The following MKX variants were observed in gnomAD, a reference collection of about 807,000 sequenced individuals.
MKX encodes homeobox protein Mohawk.
Under a neutral mutation model 36.0 loss-of-function variants are expected in MKX, and 13 were observed. The ratio of observed to expected loss-of-function variants is 0.36; its 90% confidence interval spans 0.24 to 0.57. The LOEUF is 0.57. Among genes scored for constraint, MKX ranks in the 20% least tolerant of loss-of-function variants. MKX has a pLI of 0.79. For synonymous variants in MKX, 176 were observed against 178.3 expected (o/e 0.99, Z 0.10); for missense variants, 458 against 456.4 (o/e 1.00, Z -0.03).
At chr10:27,714,097 C>T (rs905715703) in intron 5 of MKX, among the ~76,000 whole-genome samples, 2 of 149,996 alleles carry the variant, frequency 1.3e-5, no homozygotes, top group African/African-American at 2.4e-5. Context: ...GGGATTAAGT[C>T]ATTCATGAGT....
chr10:27,734,438 C>A lies in MKX; in HGVS notation c.838+18G>T, dbSNP rs762433649. The stretch of plus-strand genomic sequence containing the variant: ...TAAACAGGTATCGCAGGAATTACTA[C>A]AGAAAGCACGGACTTACCTGTGCGA... On this transcript the variant is annotated intron_variant, in intron 5 of 6. Coordinates refer to ENST00000419761, the MANE Select transcript of MKX (RefSeq NM_173576.3). 1 of 1,605,858 alleles carries A rather than the reference C, an allele frequency of 6.2e-7. No homozygotes were observed. The highest frequency in any genetic ancestry group is 8.5e-7 in the Non-Finnish European group (1 of 1,175,112).
intron 5 of MKX, among the ~76,000 whole-genome samples, chr10:27,721,030 C>T (rs996974175): frequency 7.2e-5 from 11 of 152,130 alleles, no homozygotes; most frequent in Admixed American, 3.3e-4. Context: ...CCCAACCCTA[C>T]GTAAGGAAAA....
chr10:27,684,394 A>C (rs980855342), intron 5 of MKX, among the ~76,000 whole-genome samples: 1 of 152,316 alleles, frequency 6.6e-6, no homozygotes, highest in Non-Finnish European at 1.5e-5. Flanking sequence ...TTCTTTAATA[A>C]GAAAGTAATA....
intron 5 of MKX, among the ~76,000 whole-genome samples, chr10:27,692,038 G>A (rs770589399): frequency 6.6e-6 from 1 of 152,082 alleles, no homozygotes; most frequent in Non-Finnish European, 1.5e-5. Context: ...CTTTTTGGTC[G>A]AATGATTTAT....
At chr10:27,716,391 T>C (rs1589680335) in intron 5 of MKX, among the ~76,000 whole-genome samples, 2 of 139,576 alleles carry the variant, frequency 1.4e-5, no homozygotes, top group African/African-American at 2.7e-5. Context: ...CCACTGCACT[T>C]CAGCCTGGGT....
chr10:27,713,513 G>A (rs1385610134), intron 5 of MKX, among the ~76,000 whole-genome samples: 1 of 152,194 alleles, frequency 6.6e-6, no homozygotes, highest in Admixed American at 6.5e-5. Context: ...AGTGGAAAGA[G>A]CCTGAACCAG....
rs1836117206 is a variant in MKX, at chr10:27,674,990, T to C, written c.*239A>G. ...GGAAGCAAGGCACTTACTGTAATGGTAATGCAGATGTTTTATGCATAGTTT... is the reference window on the plus strand; with the variant it reads ...GGAAGCAAGGCACTTACTGTAATGGCAATGCAGATGTTTTATGCATAGTTT... On this transcript the variant is annotated 3_prime_UTR_variant, in exon 7 of 7. Coordinates refer to ENST00000419761, the MANE Select transcript of MKX (RefSeq NM_173576.3). 7.9e-6 allele frequency: 3 copies of C among 381,602 alleles called. No homozygotes were observed. In the East Asian group the frequency reaches 1.5e-4, roughly 19 times the overall value. The allele number at this position is 381,602 out of a possible 1,614,324, so 23.6% of individuals were successfully genotyped here.
chr10:27,685,247 A>T (rs1015677056), intron 5 of MKX, among the ~76,000 whole-genome samples: 1 of 151,970 alleles, frequency 6.6e-6, no homozygotes, highest in Non-Finnish European at 1.5e-5. Context: ...ATGAAAGCCT[A>T]TGGCAACAGA....
chr10:27,684,535 A>C (rs1836309588), intron 5 of MKX, among the ~76,000 whole-genome samples: 1 of 152,174 alleles, frequency 6.6e-6, no homozygotes, highest in African/African-American at 2.4e-5. Flanking sequence ...AAAAGGCATA[A>C]TTCTGGACAT....
intron 5 of MKX, among the ~76,000 whole-genome samples, chr10:27,730,930 C>T (rs572589137): frequency 6.6e-6 from 1 of 151,570 alleles, no homozygotes; most frequent in South Asian, 2.1e-4. Flanking sequence ...GTCAGGAGAT[C>T]GAGACCATCC....
chr10:27,702,435 T>G (rs955737857), intron 5 of MKX, among the ~76,000 whole-genome samples: 3 of 152,176 alleles, frequency 2.0e-5, no homozygotes, highest in Non-Finnish European at 4.4e-5. Context: ...GCTGGTGGTT[T>G]CTTAAAAAGG....
intron 5 of MKX, among the ~76,000 whole-genome samples, chr10:27,684,843 T>A (rs1836315058): frequency 6.6e-6 from 1 of 152,214 alleles, no homozygotes; most frequent in Non-Finnish European, 1.5e-5. Context: ...CCACCTCAAA[T>A]CATCAGACAT....
chr10:27,680,564 G>A (rs1836237325), intron 5 of MKX, among the ~76,000 whole-genome samples: 1 of 152,130 alleles, frequency 6.6e-6, no homozygotes, highest in African/African-American at 2.4e-5. Context: ...GTGGCCAACT[G>A]TGAAAAATGC....
At position 27,719,643 on chromosome 10, in the gene MKX, G is replaced by T. The variant is rs540709168; in HGVS notation, c.838+14813C>A. 3.3e-5 allele frequency among the ~76,000 whole-genome samples: 5 copies of T among 152,174 alleles called. No individual in the cohort carries two copies. The East Asian group carries it at 9.7e-4, about 29-fold the overall frequency. On this transcript the variant is annotated intron_variant, in intron 5 of 6. Transcript: ENST00000419761. ...ATAAGAAAAAAAAGATGTTCTTGGAGAATAAAAATAAGACACCAAACTTAA... is the reference window on the plus strand; with the variant it reads ...ATAAGAAAAAAAAGATGTTCTTGGATAATAAAAATAAGACACCAAACTTAA...
intron 5 of MKX, among the ~76,000 whole-genome samples, chr10:27,679,050 A>G (rs1836204652): frequency 6.6e-6 from 1 of 152,040 alleles, no homozygotes; most frequent in African/African-American, 2.4e-5. Context: ...ATTCAATGTC[A>G]GTAGGTATAG....
chr10:27,681,255 T>C (rs1836248820), intron 5 of MKX, among the ~76,000 whole-genome samples: 1 of 152,026 alleles, frequency 6.6e-6, no homozygotes, highest in East Asian at 1.9e-4. Flanking sequence ...GAGACCAGCC[T>C]GGCCAAAATG....
chr10:27,696,549 A>C (rs747744408), intron 5 of MKX, among the ~76,000 whole-genome samples: 1 of 152,196 alleles, frequency 6.6e-6, no homozygotes, highest in African/African-American at 2.4e-5. Context: ...GAAAATTCTC[A>C]AAAGAGCACA....
intron 5 of MKX, among the ~76,000 whole-genome samples, chr10:27,687,303 C>T (rs1002854857): frequency 6.6e-6 from 1 of 152,208 alleles, no homozygotes; most frequent in Non-Finnish European, 1.5e-5. Flanking sequence ...TGCGCCCAGC[C>T]CACACTTCTC....
chr10:27,733,831 G>T (rs567687466), intron 5 of MKX, among the ~76,000 whole-genome samples: 2 of 152,244 alleles, frequency 1.3e-5, no homozygotes, highest in East Asian at 1.9e-4. Context: ...TTTATTTCTG[G>T]AAGGAAAGTA....
Sources: allele counts gnomAD v4.1 joint callset (sites outside exome capture counted in the v4.1 genomes callset), GRCh38; gene constraint gnomAD v4.1.1; transcripts MANE v1.5; gene names NCBI Gene and HGNC (gene_info 2026-07-23, HGNC 2026-07-21).